The following HNF4A variants were observed in gnomAD, a reference collection of about 807,000 sequenced individuals.
HNF4A encodes hepatocyte nuclear factor 4-alpha.
Under a neutral mutation model 52.4 loss-of-function variants are expected in HNF4A, and 15 were observed. The ratio of observed to expected loss-of-function variants is 0.29; its 90% CI spans 0.19 to 0.44. The LOEUF is 0.44. Ranked by LOEUF, HNF4A falls within the 20% of genes least tolerant of loss-of-function variation. HNF4A has a pLI of 1.00. For synonymous variants in HNF4A, 280 were observed against 264.4 expected, an observed-to-expected ratio of 1.06 and a Z score of -0.57; for missense variants, 479 against 647.2, an observed-to-expected ratio of 0.74 and a Z score of 2.82.
intron 1 of HNF4A, among the ~76,000 whole-genome samples, chr20:44,362,540 G>T (rs1303579701): frequency 6.6e-6 from 1 of 151,064 alleles, no homozygotes; most frequent in Non-Finnish European, 1.5e-5. Context: ...AAAGGAATTT[G>T]TTTTCATTTA....
intron 7 of HNF4A, among the ~76,000 whole-genome samples, chr20:44,421,876 T>TAG (rs2063751629): frequency 1.4e-5 from 2 of 147,520 alleles, no homozygotes; most frequent in Non-Finnish European, 3.0e-5. Context: ...TGATATATAT[T>TAG]TTATATATAT....
intron 2 of HNF4A, among the ~76,000 whole-genome samples, chr20:44,406,744 G>A (rs2063506227): frequency 6.6e-6 from 1 of 152,124 alleles, no homozygotes; most frequent in South Asian, 2.1e-4. Context: ...GCTGTCAATT[G>A]CGAGCACTTG....
intron 8 of HNF4A, among the ~76,000 whole-genome samples, chr20:44,424,995 T>G (rs1479899732): frequency 6.6e-6 from 1 of 152,226 alleles, no homozygotes; most frequent in Non-Finnish European, 1.5e-5. Context: ...GTATTTTTAT[T>G]CTTTGAGACA....
chr20:44,388,894 C>T (rs2063267967), intron 1 of HNF4A, among the ~76,000 whole-genome samples: 1 of 152,220 alleles, frequency 6.6e-6, no homozygotes, highest in Non-Finnish European at 1.5e-5. Context: ...TTCCTTTGGC[C>T]TCTTCCCCTG....
At chr20:44,388,273 T>G (rs8118353) in intron 1 of HNF4A, among the ~76,000 whole-genome samples, 64,861 of 149,734 alleles carry the variant, frequency 0.43, 16,380 homozygotes, top group African/African-American at 0.69. Flanking sequence ...TCATAATGGG[T>G]ATGACATTTA....
intron 6 of HNF4A, among the ~76,000 whole-genome samples, chr20:44,419,149 C>CG (rs1289886127): frequency 6.6e-6 from 1 of 152,186 alleles, no homozygotes; most frequent in Non-Finnish European, 1.5e-5. Flanking sequence ...CCCCAGCCCG[C>CG]GTCACCTGTG....
At position 44,401,256 on chromosome 20, in the gene HNF4A, G is replaced by A. The variant is rs943316184; in HGVS notation, c.-117G>A. 9.5e-6 allele frequency: 15 copies of A among 1,576,532 alleles called. No homozygotes were observed. The highest frequency in any genetic ancestry group is 2.7e-5 in the African/African-American group (2 of 74,372). On this transcript the variant is annotated 5_prime_UTR_variant, in exon 1 of 10. Coordinates refer to ENST00000316099, the MANE Select transcript of HNF4A (RefSeq NM_000457.6). ...CTCCCAGCAGATCTTCCCAGAGGACGGTTTGAAAGGAAGGCAGAGAGGGCA... is the reference window on the plus strand; with the variant it reads ...CTCCCAGCAGATCTTCCCAGAGGACAGTTTGAAAGGAAGGCAGAGAGGGCA...
rs149998598 is a variant in HNF4A at position 44,429,942 on chromosome 20, T to C, written c.*277T>C. 1,112 of 477,188 alleles carry C rather than the reference T, an allele frequency of 2.3e-3. 17 individuals are homozygous for C. The highest frequency in any genetic ancestry group is 0.017 in the South Asian group (620 of 36,268). 29.6% of individuals were successfully genotyped at this position (477,188 alleles called of 1,614,324 possible). A position where few individuals can be genotyped will look rare whatever the true frequency, so the allele number is the denominator to read the frequency against. On this transcript the variant is annotated 3_prime_UTR_variant, in exon 10 of 10. Transcript: ENST00000316099. ...GCCACTGCCTTCACCTTCACCTTCA[T>C]CCATGTCCAACCCCCGACTTCATCC... is the stretch of plus-strand genomic sequence containing the variant.
rs2063404271 is a variant in HNF4A, at chr20:44,401,311, C to CG, written c.-57dup. Reference sequence around the variant, plus strand: ...GAGGAGGCAGTGGGAGGGCGGAGGGCGGGGGCCTTCGGGGTGGGCGCCCAG... The same window carrying CG: ...GAGGAGGCAGTGGGAGGGCGGAGGGCGGGGGGCCTTCGGGGTGGGCGCCCAG... On this transcript the variant is annotated 5_prime_UTR_variant, in exon 1 of 10. Coordinates refer to ENST00000316099, the MANE Select transcript of HNF4A (RefSeq NM_000457.6). 2 of 621,556 alleles carry CG rather than the reference C, an allele frequency of 3.2e-6. No homozygotes were observed. The highest frequency in any genetic ancestry group is 6.1e-6 in the Non-Finnish European group (2 of 330,086). 38.5% of individuals were successfully genotyped at this position (621,556 alleles called of 1,614,324 possible). A position where few individuals can be genotyped will look rare whatever the true frequency, so the allele number is the denominator to read the frequency against.
chr20:44,379,952 T>G (rs2063134510), intron 1 of HNF4A, among the ~76,000 whole-genome samples: 1 of 152,216 alleles, frequency 6.6e-6, no homozygotes, highest in Non-Finnish European at 1.5e-5. Context: ...CAGGCTGGTC[T>G]TGAACTCCTG....
chr20:44,389,307 C>T (rs1046010410), intron 1 of HNF4A, among the ~76,000 whole-genome samples: 1 of 152,200 alleles, frequency 6.6e-6, no homozygotes, highest in African/African-American at 2.4e-5. Flanking sequence ...CCCGCCTCTC[C>T]ACCAAAACGC....
chr20:44,411,242 C>T (rs1286402496), intron 3 of HNF4A, among the ~76,000 whole-genome samples: 1 of 152,208 alleles, frequency 6.6e-6, no homozygotes, highest in Non-Finnish European at 1.5e-5. Context: ...CCACAGCCCC[C>T]TACCCAGGAG....
At chr20:44,378,780 G>T (rs144354913) in intron 1 of HNF4A, among the ~76,000 whole-genome samples, 1 of 151,592 alleles carries the variant, frequency 6.6e-6, no homozygotes, top group African/African-American at 2.4e-5. Flanking sequence ...TTAGCCGGGC[G>T]TGGTGGTGCG....
At chr20:44,364,664 T>G (rs547149230) in intron 1 of HNF4A, among the ~76,000 whole-genome samples, 34 of 152,188 alleles carry the variant, frequency 2.2e-4, no homozygotes, top group Admixed American at 1.6e-3. Flanking sequence ...GAGACGGACT[T>G]TCACCATCTT....
Position 44,418,410 on chromosome 20 carries a change from C to G in HNF4A, c.649-15C>G. On this transcript the variant is annotated splice_polypyrimidine_tract_variant and intron_variant, in intron 5 of 9. Transcript: ENST00000316099. ...AAGGGTACAGATGGCAAACACTGTTCCTTCTCTCTTTCAGGTGGCCCTGCT... is the reference window on the plus strand; with the variant it reads ...AAGGGTACAGATGGCAAACACTGTTGCTTCTCTCTTTCAGGTGGCCCTGCT... The G allele has an allele frequency of 6.2e-7, 1 of 1,611,030 alleles. No individual in the cohort carries two copies. The highest frequency in any genetic ancestry group is 1.3e-5 in the African/African-American group (1 of 74,988).
chr20:44,429,550 C>T lies in HNF4A; in HGVS notation c.1310C>T (p.Pro437Leu), dbSNP rs2063851692. The T allele has an allele frequency of 5.6e-6, 9 of 1,614,102 alleles. No homozygotes were observed. The highest frequency in any genetic ancestry group is 7.6e-6 in the Non-Finnish European group (9 of 1,180,010). The change falls in exon 10 of 10, where the codon CCG (proline) becomes CTG (leucine). Residue 437 changes from proline (P) to leucine (L), a missense_variant. Pro to Leu is a moderately conservative substitution (Grantham distance 98). Around this residue, in one of 3 missense-constraint regions of HNF4A, gnomAD observed 389 missense variants for 525.1 expected, o/e 0.74. Coordinates refer to ENST00000316099, the MANE Select transcript of HNF4A (RefSeq NM_000457.6). Reference sequence around the variant, plus strand: ...ACCCCTGAGACCCCACAGCCCTCACCGCCAGGTGGCTCAGGGTCTGAGCCC... The same window carrying T: ...ACCCCTGAGACCCCACAGCCCTCACTGCCAGGTGGCTCAGGGTCTGAGCCC...
intron 1 of HNF4A, among the ~76,000 whole-genome samples, chr20:44,405,142 C>T (rs1023384921): frequency 1.3e-5 from 1 of 76,356 alleles, no homozygotes; most frequent in African/African-American, 4.9e-5. Context: ...GTGGCACACA[C>T]GCTTGCATTT....
At chr20:44,403,234 C>T (rs2063435639) in intron 1 of HNF4A, among the ~76,000 whole-genome samples, 1 of 152,220 alleles carries the variant, frequency 6.6e-6, no homozygotes, top group Non-Finnish European at 1.5e-5. Flanking sequence ...ACAAGACCAC[C>T]TCCAGCTCTG....
rs775721024 is a variant in HNF4A, at chr20:44,385,059, C to CTTTTTTTTTTTTTT, written c.50-20984_50-20971dup. On this transcript the variant is annotated intron_variant, in intron 1 of 9. Transcript: ENST00000316673. ...AGTGGTTTCAGCTGAACTCTGTGAT[C>CTTTTTTTTTTTTTT]TTTTTTTTTTTTTTTTTTTTTTTTT... Among the ~76,000 whole-genome samples the CTTTTTTTTTTTTTT allele has an allele frequency of 3.2e-3, 112 of 34,974 alleles. 21 individuals carry two copies. Among genetic ancestry groups the CTTTTTTTTTTTTTT allele is most frequent in the South Asian group, 0.019 (7 of 376 alleles). The allele number at this position is 34,974 out of a possible 152,430, so 22.9% of individuals were successfully genotyped here. A position where few individuals can be genotyped will look rare whatever the true frequency, so the allele number is the denominator to read the frequency against.
Sources: gnomAD v4.1 joint callset for allele counts (sites outside exome capture counted in the v4.1 genomes callset) on GRCh38, gnomAD v4.1.1 for gene constraint, gnomAD v4.1.1 regional missense constraint, MANE v1.5 for transcripts, NCBI Gene and HGNC (gene_info 2026-07-23, HGNC 2026-07-21) for gene names.